The following FGF14 variants were observed in gnomAD, a reference collection of about 807,000 sequenced individuals.
FGF14 encodes the protein fibroblast growth factor 14.
FGF14 carries 5 observed loss-of-function variants against 25.5 expected under a neutral mutation model. That is an observed-to-expected ratio of 0.20 (90% CI 0.10 to 0.41). The LOEUF (loss-of-function observed/expected upper bound fraction) is 0.41, where lower values mean the gene tolerates loss of function less well. Among genes scored for constraint, FGF14 ranks in the 10% least tolerant of loss-of-function variants. FGF14 has a pLI of 1.00. For synonymous variants in FGF14, 138 were observed against 118.3 expected, an observed-to-expected ratio of 1.17 and a Z score of -1.08; for missense variants, 222 against 320.1, an observed-to-expected ratio of 0.69 and a Z score of 2.34.
At chr13:102,342,265 G>A (rs916868911) in intron 1 of FGF14, among the ~76,000 whole-genome samples, 1 of 152,092 alleles carries the variant, frequency 6.6e-6, no homozygotes, top group African/African-American at 2.4e-5. Context: ...CAAGCCTGAT[G>A]TCTCCTGAAT....
At chr13:102,326,341 A>G (rs2056422106) in intron 1 of FGF14, among the ~76,000 whole-genome samples, 1 of 152,176 alleles carries the variant, frequency 6.6e-6, no homozygotes, top group African/African-American at 2.4e-5. Flanking sequence ...CCGAACTTAT[A>G]TAGAATTATT....
chr13:102,148,157 T>G lies in FGF14; in HGVS notation c.208+253314A>C, dbSNP rs544489059. Among the ~76,000 whole-genome samples, 433 of 152,312 alleles carry G rather than the reference T, an allele frequency of 2.8e-3. 2 individuals carry two copies. Among genetic ancestry groups the G allele is most frequent in the African/African-American group, 9.7e-3 (402 of 41,576 alleles). ...TCCTACATGAGAAGCTCATTTATCT[T>G]CTGTGCAGTTACTCTCTAAAATCTT... On this transcript the variant is annotated intron_variant, in intron 1 of 4. Coordinates refer to the FGF14 transcript ENST00000376131.
intron 1 of FGF14, among the ~76,000 whole-genome samples, chr13:102,152,729 G>A (rs76580257): frequency 3.3e-5 from 5 of 152,154 alleles, no homozygotes; most frequent in Non-Finnish European, 7.4e-5. Flanking sequence ...GCCATGTTCC[G>A]CTTTACCTAT....
At chr13:102,200,282 T>C in intron 1 of FGF14, among the ~76,000 whole-genome samples, 1 of 152,306 alleles carries the variant, frequency 6.6e-6, no homozygotes, top group East Asian at 1.9e-4. Context: ...TATACCCACA[T>C]ATAATAACTT....
chr13:101,990,652 C>T (rs1031196804), intron 1 of FGF14, among the ~76,000 whole-genome samples: 6 of 152,068 alleles, frequency 3.9e-5, no homozygotes, highest in Non-Finnish European at 7.4e-5. Context: ...GTGGCTCATG[C>T]ACAGGCCTGG....
At chr13:101,774,766 G>A (rs967537689) in intron 3 of FGF14, among the ~76,000 whole-genome samples, 18 of 151,874 alleles carry the variant, frequency 1.2e-4, no homozygotes, top group African/African-American at 4.4e-4. Flanking sequence ...AAAAGGATTG[G>A]AAAGGGCCAG....
intron 1 of FGF14, among the ~76,000 whole-genome samples, chr13:102,362,307 C>T (rs989780711): frequency 6.6e-6 from 1 of 152,090 alleles, no homozygotes; most frequent in Non-Finnish European, 1.5e-5. Flanking sequence ...CTATTTTATC[C>T]TTTTTCTGGC....
At position 101,960,147 on chromosome 13, in the gene FGF14, T is replaced by G. The variant is rs11838985; in HGVS notation, c.209-84851A>C. On this transcript the variant is annotated intron_variant, in intron 1 of 4. Transcript: ENST00000376131. The stretch of plus-strand genomic sequence containing the variant: ...AATTCAGCAATTACTAAAAGTGGTA[T>G]TAAGCATATAAGCTGGCCTTGAGAA... Among the ~76,000 whole-genome samples the G allele has an allele frequency of 2.1e-3, 314 of 152,378 alleles. 1 individual carries two copies. The highest frequency in any genetic ancestry group is 7.4e-3 in the African/African-American group (308 of 41,592).
intron 1 of FGF14, among the ~76,000 whole-genome samples, chr13:102,072,463 G>A (rs1441973972): frequency 2.0e-5 from 3 of 152,218 alleles, no homozygotes; most frequent in African/African-American, 7.2e-5. Context: ...GCAATTAATA[G>A]CCCAAAGAAA....
chr13:102,131,446 G>A (rs1475824527), intron 1 of FGF14, among the ~76,000 whole-genome samples: 2 of 152,078 alleles, frequency 1.3e-5, no homozygotes, highest in Admixed American at 6.6e-5. Context: ...CTTAAGATGA[G>A]CTCATGGTGC....
intron 3 of FGF14, among the ~76,000 whole-genome samples, chr13:101,738,535 C>T (rs1402874810): frequency 6.6e-6 from 1 of 152,006 alleles, no homozygotes; most frequent in Non-Finnish European, 1.5e-5. Context: ...AAGGTTAACA[C>T]AAAAGGACAA....
chr13:102,120,722 G>A (rs1594036108), intron 1 of FGF14, among the ~76,000 whole-genome samples: 2 of 130,310 alleles, frequency 1.5e-5, no homozygotes, highest in South Asian at 2.4e-4. Flanking sequence ...TTTTTTTTTC[G>A]AGACAGAGTC....
intron 1 of FGF14, among the ~76,000 whole-genome samples, chr13:101,944,860 T>C (rs983272981): frequency 3.3e-5 from 5 of 152,082 alleles, no homozygotes; most frequent in South Asian, 4.1e-4. Flanking sequence ...CAGACAGTAG[T>C]ATGGTGGTTG....
chr13:102,323,998 TGTGTGTGTTGC>T, intron 1 of FGF14, among the ~76,000 whole-genome samples: 1 of 150,628 alleles, frequency 6.6e-6, no homozygotes, highest in African/African-American at 2.5e-5. Flanking sequence ...TGTGTGTGTG[TGTGTGTGTTGC>T]TGTACATGTG....
At position 102,319,755 on chromosome 13, in the gene FGF14, A is replaced by G. The variant is rs558739447; in HGVS notation, c.208+81716T>C. On this transcript the variant is annotated intron_variant, in intron 1 of 4. Coordinates refer to the FGF14 transcript ENST00000376131. ...ACTCTATCAGCTTATGCTGATAGCC[A>G]CTGTGCATTTTTTGGAGCACCTGGG... Among the ~76,000 whole-genome samples the G allele has an allele frequency of 5.3e-5, 8 of 152,316 alleles. No homozygotes were observed. The South Asian group carries it at 1.0e-3, about 20-fold the overall frequency.
chr13:101,949,943 G>C (rs1566482168), intron 1 of FGF14, among the ~76,000 whole-genome samples: 1 of 152,162 alleles, frequency 6.6e-6, no homozygotes, highest in Non-Finnish European at 1.5e-5. Flanking sequence ...GGGAGGTCTT[G>C]GGCAGGTGGC....
At chr13:101,871,172 C>G (rs1328119412) in intron 2 of FGF14, among the ~76,000 whole-genome samples, 1 of 152,082 alleles carries the variant, frequency 6.6e-6, no homozygotes, top group South Asian at 2.1e-4. Context: ...CTCTTTGCTT[C>G]TTACATAATT....
intron 1 of FGF14, among the ~76,000 whole-genome samples, chr13:102,276,329 G>A (rs59673892): frequency 9.3e-5 from 5 of 53,572 alleles, no homozygotes; most frequent in South Asian, 6.2e-4. Context: ...ACACACACAC[G>A]TACGTGTGTG....
intron 1 of FGF14, among the ~76,000 whole-genome samples, chr13:102,286,586 T>C (rs1317382417): frequency 6.6e-6 from 1 of 152,202 alleles, no homozygotes; most frequent in African/African-American, 2.4e-5. Flanking sequence ...AATTGCCTAA[T>C]GGGTACTTGT....
Sources: allele counts gnomAD v4.1 joint callset (sites outside exome capture counted in the v4.1 genomes callset), GRCh38; gene constraint gnomAD v4.1.1; transcripts MANE v1.5; gene names NCBI Gene and HGNC (gene_info 2026-07-23, HGNC 2026-07-21).